Variants in NTM observed in about 807,000 individuals in gnomAD.
NTM encodes the protein neurotrimin.
In NTM, 13 loss-of-function variants were observed where a neutral mutation model predicts 42.1. That is an observed-to-expected ratio of 0.31 (90% CI 0.20 to 0.49). NTM has a LOEUF of 0.49. NTM is among the 20% of genes least tolerant of loss of function. NTM has a pLI of 0.99. For synonymous variants in NTM, 187 were observed against 179.2 expected (o/e 1.04, Z -0.35); for missense variants, 373 against 452.8 (o/e 0.82, Z 1.60).
chr11:131,524,325 C>T (rs574785584), intron 1 of NTM, among the ~76,000 whole-genome samples: 16 of 152,288 alleles, frequency 1.1e-4, no homozygotes, highest in East Asian at 3.9e-4. Context: ...CTCCAAGAGA[C>T]GAAGGTGGGG....
intron 4 of NTM, among the ~76,000 whole-genome samples, chr11:132,262,434 C>T (rs1452296482): frequency 1.3e-5 from 2 of 152,184 alleles, no homozygotes; most frequent in Non-Finnish European, 2.9e-5. Flanking sequence ...ACATTTACTT[C>T]TCACAGTTTT....
At chr11:131,863,966 C>T (rs774331896) in intron 1 of NTM, among the ~76,000 whole-genome samples, 3 of 152,144 alleles carry the variant, frequency 2.0e-5, no homozygotes, top group African/African-American at 7.2e-5. Flanking sequence ...CCCAAAAGTG[C>T]ACCTGATGAA....
intron 2 of NTM, among the ~76,000 whole-genome samples, chr11:132,144,862 AT>A (rs1444100180): frequency 2.0e-5 from 3 of 152,184 alleles, no homozygotes; most frequent in Non-Finnish European, 4.4e-5. Flanking sequence ...TTTGGGCAGT[AT>A]TTCCCACAAG....
At chr11:131,539,000 A>G (rs1354751946) in intron 1 of NTM, 3 of 141,434 alleles carry the variant, frequency 2.1e-5, no homozygotes, top group Non-Finnish European at 4.5e-5. Context: ...TGATGTAATC[A>G]CAGCTCACCG....
rs966893467 is a variant in NTM, at chr11:132,002,984, C to T, written c.167+91336C>T. The stretch of plus-strand genomic sequence containing the variant: ...TTGTCTTCAAGAAGCTTTTACTGTC[C>T]GCCTGTCAAAGTTCCTGAGCAGCAG... On this transcript the variant is annotated intron_variant, in intron 2 of 8. Coordinates refer to ENST00000683400, the MANE Select transcript of NTM (RefSeq NM_001352005.2). This position sits in a 1 kb window ranked among gnomAD's most constrained non-coding sequence, Gnocchi z 4.5. Among the ~76,000 whole-genome samples the T allele has an allele frequency of 5.9e-5, 9 of 152,172 alleles. No individual in the cohort carries two copies. In the East Asian group the frequency reaches 1.2e-3, roughly 20 times the overall value.
At chr11:132,248,395 GTT>G (rs35880319) in intron 4 of NTM, among the ~76,000 whole-genome samples, 1 of 145,490 alleles carries the variant, frequency 6.9e-6, no homozygotes, top group East Asian at 2.5e-4. Context: ...AGCCCTTGAG[GTT>G]TTTTTTTTCT....
At chr11:132,282,976 CTT>C (rs142817071) in intron 4 of NTM, among the ~76,000 whole-genome samples, 1,988 of 108,846 alleles carry the variant, frequency 0.018, 30 homozygotes, top group African/African-American at 0.06. Context: ...TCCTTTATTC[CTT>C]TTTTTTTTTT....
chr11:131,615,793 T>TG (rs1421364604), intron 1 of NTM, among the ~76,000 whole-genome samples: 1 of 152,176 alleles, frequency 6.6e-6, no homozygotes, highest in Admixed American at 6.5e-5. Context: ...GTGAACCCTC[T>TG]GGCCCCTAAG....
intron 1 of NTM, among the ~76,000 whole-genome samples, chr11:131,388,207 C>T (rs968517775): frequency 6.6e-6 from 1 of 152,118 alleles, no homozygotes; most frequent in South Asian, 2.1e-4. Context: ...GAAAAAAATC[C>T]TTTAAGCCAC....
At chr11:131,831,887 A>G (rs1204919583) in intron 1 of NTM, among the ~76,000 whole-genome samples, 2 of 150,042 alleles carry the variant, frequency 1.3e-5, no homozygotes, top group East Asian at 3.9e-4. Flanking sequence ...AGGTCCCAAA[A>G]TTAATCCCAA....
intron 2 of NTM, among the ~76,000 whole-genome samples, chr11:132,114,057 A>C (rs1421751616): frequency 6.6e-6 from 1 of 152,178 alleles, no homozygotes; most frequent in South Asian, 2.1e-4. Flanking sequence ...ATCATCAACA[A>C]ATTTTTCTCT....
chr11:131,686,565 CG>C (rs1157022790), intron 1 of NTM, among the ~76,000 whole-genome samples: 1 of 152,032 alleles, frequency 6.6e-6, no homozygotes, highest in Non-Finnish European at 1.5e-5. Flanking sequence ...TCAAGGGTGG[CG>C]GAGGCAGAAG....
At chr11:131,635,625 T>C (rs2064267724) in intron 1 of NTM, among the ~76,000 whole-genome samples, 1 of 152,174 alleles carries the variant, frequency 6.6e-6, no homozygotes, top group African/African-American at 2.4e-5. Flanking sequence ...CTAAAGTTAA[T>C]TTATTATTGA....
chr11:131,714,309 C>T (rs1465893277), intron 1 of NTM, among the ~76,000 whole-genome samples: 1 of 152,098 alleles, frequency 6.6e-6, no homozygotes, highest in Non-Finnish European at 1.5e-5. Flanking sequence ...TGACTTTAGC[C>T]TCCCAAGTAG....
At chr11:131,803,268 CTT>C (rs1289756769) in intron 1 of NTM, among the ~76,000 whole-genome samples, 1 of 151,908 alleles carries the variant, frequency 6.6e-6, no homozygotes, top group Non-Finnish European at 1.5e-5. Flanking sequence ...AAACTCCTCT[CTT>C]GAAGTTTGTC....
chr11:131,625,694 C>T (rs2137706603), intron 1 of NTM, among the ~76,000 whole-genome samples: 1 of 152,234 alleles, frequency 6.6e-6, no homozygotes, highest in African/African-American at 2.4e-5. Context: ...ATGAAGCATG[C>T]AGGAATCACC....
chr11:131,835,281 A>G (rs1029145737), intron 1 of NTM, among the ~76,000 whole-genome samples: 3 of 152,332 alleles, frequency 2.0e-5, no homozygotes, highest in African/African-American at 7.2e-5. Flanking sequence ...GAAAGTAAAC[A>G]AGTGCCATCG....
In NTM at chr11:131,933,021, GA is replaced by G. The variant is rs375307496; in HGVS notation, c.167+21376del. ...TGTGAGCTGAGCGCCACTAGATCAA[GA>G]AATGTCAGCTTTTCTCTCAGCTTTT... On this transcript the variant is annotated intron_variant, in intron 2 of 8. Coordinates refer to ENST00000683400, the MANE Select transcript of NTM (RefSeq NM_001352005.2). Among the ~76,000 whole-genome samples the G allele has an allele frequency of 3.8e-3, 584 of 152,336 alleles. 1 individual carries two copies. Among genetic ancestry groups the G allele is most frequent in the African/African-American group, 0.013 (534 of 41,572 alleles).
chr11:131,773,002 T>G (rs111864169), intron 1 of NTM, among the ~76,000 whole-genome samples: 1 of 152,252 alleles, frequency 6.6e-6, no homozygotes, highest in African/African-American at 2.4e-5. Flanking sequence ...GTAGAACTGA[T>G]GTACTGACAT....
Sources: gnomAD v4.1 joint callset for allele counts (sites outside exome capture counted in the v4.1 genomes callset) on GRCh38, gnomAD v4.1.1 for gene constraint, Gnocchi (gnomAD v3.1) non-coding constraint, MANE v1.5 for transcripts, NCBI Gene and HGNC (gene_info 2026-07-23, HGNC 2026-07-21) for gene names.